Variants in KCTD8 observed in about 807,000 individuals in gnomAD.
KCTD8 encodes the protein BTB/POZ domain-containing protein KCTD8.
In KCTD8, 27 loss-of-function variants were observed where a neutral mutation model predicts 31.5. That is an observed-to-expected ratio of 0.86 (90% CI 0.63 to 1.18). The LOEUF (loss-of-function observed/expected upper bound fraction) is 1.18, where lower values mean the gene tolerates loss of function less well. KCTD8 is among the 50% of genes most tolerant of loss of function. KCTD8 has a pLI of 0.00. For missense variants in KCTD8, 658 were observed against 647.7 expected, an observed-to-expected ratio of 1.02 and a Z score of -0.17; for synonymous variants, 290 against 280.0, an observed-to-expected ratio of 1.04 and a Z score of -0.36.
At chr4:44,395,874 G>T (rs1226277240) in intron 1 of KCTD8, among the ~76,000 whole-genome samples, 1 of 152,022 alleles carries the variant, frequency 6.6e-6, no homozygotes, top group Non-Finnish European at 1.5e-5. Flanking sequence ...TGGCACCAGG[G>T]ACTGGTGTTG....
At chr4:44,333,586 T>C (rs991280090) in intron 1 of KCTD8, among the ~76,000 whole-genome samples, 1 of 152,122 alleles carries the variant, frequency 6.6e-6, no homozygotes, top group Non-Finnish European at 1.5e-5. Flanking sequence ...TCTTGATTGC[T>C]ACCAGTCATT....
intron 1 of KCTD8, among the ~76,000 whole-genome samples, chr4:44,444,896 C>G (rs1356876638): frequency 6.6e-6 from 1 of 151,808 alleles, no homozygotes; most frequent in Non-Finnish European, 1.5e-5. Context: ...GTTAAAGTGA[C>G]TGATACTTGT....
intron 1 of KCTD8, among the ~76,000 whole-genome samples, chr4:44,375,507 TCACTCGGTGAGCC>T (rs1211123432): frequency 6.6e-6 from 1 of 152,102 alleles, no homozygotes; most frequent in Non-Finnish European, 1.5e-5. Context: ...TCCTGGTTTC[TCACTCGGTGAGCC>T]AAAGACCCCT....
At chr4:44,374,849 A>G (rs897958859) in intron 1 of KCTD8, among the ~76,000 whole-genome samples, 1 of 152,160 alleles carries the variant, frequency 6.6e-6, no homozygotes. Context: ...GATCATCATA[A>G]CAGATATAAT....
At chr4:44,329,052 C>T (rs1424032357) in intron 1 of KCTD8, among the ~76,000 whole-genome samples, 1 of 151,668 alleles carries the variant, frequency 6.6e-6, no homozygotes, top group East Asian at 1.9e-4. Context: ...CATGGTTAGG[C>T]ACCATAAGAA....
intron 1 of KCTD8, among the ~76,000 whole-genome samples, chr4:44,411,324 G>A (rs1310739872): frequency 7.0e-6 from 1 of 142,660 alleles, no homozygotes; most frequent in Non-Finnish European, 1.5e-5. Flanking sequence ...GCTGCAGTGA[G>A]CCATGAATGT....
At position 44,336,149 on chromosome 4, in the gene KCTD8, C is replaced by CAAAAAA. The variant is rs58161667; in HGVS notation, c.961+111408_961+111413dup. Reference sequence around the variant, plus strand: ...TGGGCGACAGAGCGAGACTCCGTCTCAAAAAAAAAAAAAAAAAAAAAAAAA... The same window carrying CAAAAAA: ...TGGGCGACAGAGCGAGACTCCGTCTCAAAAAAAAAAAAAAAAAAAAAAAAAAAAAAA... On this transcript the variant is annotated intron_variant, in intron 1 of 1. Coordinates refer to ENST00000360029, the MANE Select transcript of KCTD8 (RefSeq NM_198353.3). 5.8e-4 allele frequency among the ~76,000 whole-genome samples: 27 copies of CAAAAAA among 46,520 alleles called. 1 individual carries two copies. The highest frequency in any genetic ancestry group is 7.6e-4 in the Admixed American group (2 of 2,646). 30.5% of individuals were successfully genotyped at this position (46,520 alleles called of 152,430 possible).
intron 1 of KCTD8, among the ~76,000 whole-genome samples, chr4:44,270,049 C>G (rs1462323120): frequency 1.3e-5 from 2 of 151,942 alleles, no homozygotes; most frequent in Non-Finnish European, 2.9e-5. Flanking sequence ...GGGTATATAC[C>G]CAAAGGACTA....
intron 1 of KCTD8, among the ~76,000 whole-genome samples, chr4:44,281,504 A>G (rs1716905114): frequency 6.6e-6 from 1 of 152,072 alleles, no homozygotes; most frequent in African/African-American, 2.4e-5. Context: ...TGATGTGTAC[A>G]CTCATTAAAT....
chr4:44,438,835 C>T (rs2109482718), intron 1 of KCTD8, among the ~76,000 whole-genome samples: 1 of 152,266 alleles, frequency 6.6e-6, no homozygotes, highest in South Asian at 2.1e-4. Context: ...ATGTGTTGAG[C>T]TTTTAATTGT....
At chr4:44,180,108 T>C (rs1713334680) in intron 1 of KCTD8, among the ~76,000 whole-genome samples, 1 of 152,194 alleles carries the variant, frequency 6.6e-6, no homozygotes, top group Non-Finnish European at 1.5e-5. Flanking sequence ...TCTCTTCAAC[T>C]AGTAATAGAA....
chr4:44,194,856 T>G, intron 1 of KCTD8, among the ~76,000 whole-genome samples: 1 of 125,656 alleles, frequency 8.0e-6, no homozygotes, highest in South Asian at 3.2e-4. Context: ...TTCCTTTCAC[T>G]CTCTCTCTTT....
At chr4:44,336,670 T>A (rs2109415896) in intron 1 of KCTD8, among the ~76,000 whole-genome samples, 1 of 152,134 alleles carries the variant, frequency 6.6e-6, no homozygotes, top group South Asian at 2.1e-4. Context: ...TCCGGGAAGA[T>A]AATGAAACTG....
chr4:44,264,550 A>G (rs1716279220), intron 1 of KCTD8, among the ~76,000 whole-genome samples: 1 of 152,196 alleles, frequency 6.6e-6, no homozygotes, highest in Non-Finnish European at 1.5e-5. Context: ...CAGCGGGTGC[A>G]GTGCACCGTG....
intron 1 of KCTD8, among the ~76,000 whole-genome samples, chr4:44,209,366 T>C (rs554029965): frequency 6.6e-6 from 1 of 152,306 alleles, no homozygotes; most frequent in South Asian, 2.1e-4. Context: ...CCTATTGAAC[T>C]AGTAAACATT....
At chr4:44,436,449 A>G (rs941769744) in intron 1 of KCTD8, among the ~76,000 whole-genome samples, 1 of 152,046 alleles carries the variant, frequency 6.6e-6, no homozygotes, top group Non-Finnish European at 1.5e-5. Flanking sequence ...AGACATAAAA[A>G]TAAGATTTAT....
chr4:44,317,590 C>T (rs1409602052), intron 1 of KCTD8, among the ~76,000 whole-genome samples: 1 of 152,140 alleles, frequency 6.6e-6, no homozygotes, highest in Non-Finnish European at 1.5e-5. Context: ...ACTACAAAGC[C>T]TAAACACTTA....
At chr4:44,283,057 TA>T (rs1716945692) in intron 1 of KCTD8, among the ~76,000 whole-genome samples, 1 of 147,312 alleles carries the variant, frequency 6.8e-6, no homozygotes, top group Non-Finnish European at 1.5e-5. Flanking sequence ...TTATTATTAT[TA>T]TTATTATTAT....
chr4:44,421,772 G>A (rs1331542216), intron 1 of KCTD8, among the ~76,000 whole-genome samples: 1 of 151,900 alleles, frequency 6.6e-6, no homozygotes, highest in East Asian at 2.0e-4. Flanking sequence ...ATGGGGAAAA[G>A]AACCATGCAA....
Sources: allele counts gnomAD v4.1 joint callset (sites outside exome capture counted in the v4.1 genomes callset), GRCh38; gene constraint gnomAD v4.1.1; transcripts MANE v1.5; gene names NCBI Gene and HGNC (gene_info 2026-07-23, HGNC 2026-07-21).